The following MORF4L1 variants were observed in gnomAD, a reference collection of about 807,000 sequenced individuals.
The protein encoded by MORF4L1 is mortality factor 4 like 1, also known as mortality factor 4-like protein 1.
In MORF4L1, 4 loss-of-function variants were observed where a neutral mutation model predicts 52.9. The ratio of observed to expected loss-of-function variants is 0.08; its 90% CI spans 0.04 to 0.17. The LOEUF (loss-of-function observed/expected upper bound fraction) is 0.17, where lower values mean the gene tolerates loss of function less well. Among genes scored for constraint, MORF4L1 ranks in the 10% least tolerant of loss-of-function variants. The probability of loss-of-function intolerance (pLI) is 1.00; values close to 1 mark genes in which losing one functional copy is unlikely to be tolerated. For synonymous variants in MORF4L1, 123 were observed against 134.8 expected (o/e 0.91, Z 0.61); for missense variants, 214 against 390.4 (o/e 0.55, Z 3.81).
intron 3 of MORF4L1, among the ~76,000 whole-genome samples, chr15:78,881,802 C>T (rs1051763373): frequency 6.6e-6 from 1 of 152,124 alleles, no homozygotes; most frequent in Non-Finnish European, 1.5e-5. Context: ...TGGAATTGTC[C>T]TCTAGTAACT....
intron 8 of MORF4L1, 142 bp downstream of exon 8, chr15:78,892,455 C>T (rs1420897524): frequency 3.9e-6 from 2 of 518,388 alleles, no homozygotes; most frequent in Non-Finnish European, 6.9e-6. Context: ...AGGCTGAACA[C>T]TTTAGAACTA....
intron 1 of MORF4L1, among the ~76,000 whole-genome samples, chr15:78,876,179 G>A (rs916516010): frequency 1.3e-5 from 2 of 151,776 alleles, no homozygotes; most frequent in Admixed American, 1.3e-4. Flanking sequence ...CTCGTGATCC[G>A]CCTACTTCGC....
intron 8 of MORF4L1, 195 bp downstream of exon 8, chr15:78,892,508 A>G (rs1052512658): frequency 2.2e-6 from 1 of 463,660 alleles, no homozygotes; most frequent in South Asian, 3.9e-5. Flanking sequence ...TTCACATATA[A>G]ATTTTATGAG....
At chr15:78,874,390 T>C (rs1253301645) in intron 1 of MORF4L1, among the ~76,000 whole-genome samples, 2 of 152,082 alleles carry the variant, frequency 1.3e-5, no homozygotes, top group African/African-American at 4.8e-5. Flanking sequence ...TTTTTGTTTG[T>C]ATTTTTGAGA....
chr15:78,873,219 G>C, intron 1 of MORF4L1, 162 bp downstream of exon 1: 1 of 1,513,018 alleles, frequency 6.6e-7, no homozygotes, highest in Non-Finnish European at 8.8e-7. Context: ...GGCAATTCCG[G>C]TGCGTCATTG....
At chr15:78,891,671 C>A in intron 7 of MORF4L1, 99 bp downstream of exon 7, 1 of 954,258 alleles carries the variant, frequency 1.0e-6, no homozygotes, top group Non-Finnish European at 1.6e-6. Context: ...GATTTGCTTA[C>A]ATGGTTAATA....
chr15:78,882,240 C>G (rs2056616063), intron 3 of MORF4L1, among the ~76,000 whole-genome samples: 1 of 152,116 alleles, frequency 6.6e-6, no homozygotes, highest in Admixed American at 6.6e-5. Context: ...TACTTGAGCC[C>G]AGGAGTTTGG....
Position 78,897,207 on chromosome 15 carries a change from A to G in MORF4L1, c.*140A>G, listed in dbSNP as rs112488193. On this transcript the variant is annotated 3_prime_UTR_variant, in exon 12 of 12. Transcript: ENST00000426013. Reference sequence around the variant, plus strand: ...TTTTCTGTTTGATTTTAAACAGAGAAAAAATAAAAGGGGGTAATAGCTCCT... The same window carrying G: ...TTTTCTGTTTGATTTTAAACAGAGAGAAAATAAAAGGGGGTAATAGCTCCT... The G allele has an allele frequency of 3.3e-4, 210 of 633,584 alleles. 1 individual carries two copies. In the African/African-American group the frequency reaches 3.4e-3, roughly 10 times the overall value. 39.2% of individuals were successfully genotyped at this position (633,584 alleles called of 1,614,324 possible). A position where few individuals can be genotyped will look rare whatever the true frequency, so the allele number is the denominator to read the frequency against.
At chr15:78,885,664 A>C (rs182767978) in intron 3 of MORF4L1, among the ~76,000 whole-genome samples, 22 of 152,218 alleles carry the variant, frequency 1.4e-4, no homozygotes, top group Non-Finnish European at 3.1e-4. Flanking sequence ...ATGTATTCTC[A>C]TAACAGTTAT....
intron 5 of MORF4L1, among the ~76,000 whole-genome samples, chr15:78,888,342 T>A (rs1415597761): frequency 6.6e-6 from 1 of 151,816 alleles, no homozygotes; most frequent in Non-Finnish European, 1.5e-5. Flanking sequence ...TGGCACATGC[T>A]TGTAGTCCCA....
intron 6 of MORF4L1, 99 bp downstream of exon 6, chr15:78,891,113 A>ATTGAT: frequency 7.6e-7 from 1 of 1,310,246 alleles, no homozygotes; most frequent in Non-Finnish European, 1.1e-6. Flanking sequence ...GCTTATGTTT[A>ATTGAT]TTGATTATCT....
At chr15:78,891,103 G>A in intron 6 of MORF4L1, 89 bp downstream of exon 6, 5 of 1,362,308 alleles carry the variant, frequency 3.7e-6, no homozygotes, top group Non-Finnish European at 5.0e-6. Flanking sequence ...TTTGGAGTAA[G>A]CTTATGTTTA....
chr15:78,891,616 G>A (rs1438049512), intron 7 of MORF4L1, 44 bp downstream of exon 7: 2 of 1,461,196 alleles, frequency 1.4e-6, no homozygotes, highest in Non-Finnish European at 1.9e-6. Flanking sequence ...AGGATTTTTA[G>A]TCTCAGTTAC....
chr15:78,893,693 T>TA, intron 9 of MORF4L1, 66 bp downstream of exon 9: 3 of 1,092,260 alleles, frequency 2.7e-6, no homozygotes, highest in Non-Finnish European at 4.0e-6. Flanking sequence ...ATAAGTCATC[T>TA]GAAACTTGTA....
chr15:78,890,295 TGAG>T (rs10602114), intron 5 of MORF4L1, among the ~76,000 whole-genome samples: 19,552 of 151,768 alleles, frequency 0.13, 1,313 homozygotes, highest in East Asian at 0.26. Flanking sequence ...ATAATCAAGA[TGAG>T]GAGACTTAAA....
Position 78,878,115 on chromosome 15 carries a change from C to CT in MORF4L1, c.41-97dup, listed in dbSNP as rs991144342. On this transcript the variant is annotated intron_variant, in intron 1 of 11. Coordinates refer to ENST00000426013, the MANE Select transcript of MORF4L1 (RefSeq NM_006791.4). ...CCCGTCCTCATTTTTCCTAATTTGG[C>CT]TAGGAATACCTTAATAAAAGTGTGA... 7.9e-6 allele frequency: 10 copies of CT among 1,265,744 alleles called. No individual in the cohort carries two copies. In the African/African-American group the frequency reaches 1.1e-4, roughly 13 times the overall value. 78.4% of individuals were successfully genotyped at this position (1,265,744 alleles called of 1,614,324 possible).
intron 11 of MORF4L1, among the ~76,000 whole-genome samples, chr15:78,895,311 A>G (rs967116120): frequency 6.1e-5 from 7 of 115,496 alleles, no homozygotes; most frequent in African/African-American, 1.9e-4. Context: ...ATACACACAG[A>G]GTTCTTCGGT....
chr15:78,878,523 CTGTGGGAACAAAGAGCATTT>C (rs2056538248), intron 2 of MORF4L1, among the ~76,000 whole-genome samples: 1 of 152,128 alleles, frequency 6.6e-6, no homozygotes, highest in Non-Finnish European at 1.5e-5. Flanking sequence ...GGAAGATGGG[CTGTGGGAACAAAGAGCATTT>C]TGTGGTTAAT....
chr15:78,877,735 C>T (rs1283981223), intron 1 of MORF4L1: 1 of 152,450 alleles, frequency 6.6e-6, no homozygotes, highest in African/African-American at 2.4e-5. Flanking sequence ...TAGTGAGACC[C>T]CTTAATCCAG....
Sources: gnomAD v4.1 joint callset for allele counts (sites outside exome capture counted in the v4.1 genomes callset) on GRCh38, gnomAD v4.1.1 for gene constraint, MANE v1.5 for transcripts, NCBI Gene and HGNC (gene_info 2026-07-23, HGNC 2026-07-21) for gene names.